SEMA3A: variants seen among roughly 807,000 people sequenced by gnomAD.
SEMA3A encodes the protein semaphorin 3A, also known as semaphorin-3A.
In SEMA3A, 29 loss-of-function variants were observed where a neutral mutation model predicts 97.9. That is an observed-to-expected ratio of 0.30 (90% CI 0.22 to 0.40). The LOEUF (loss-of-function observed/expected upper bound fraction) is 0.40, where lower values mean the gene tolerates loss of function less well. Among genes scored for constraint, SEMA3A ranks in the 10% least tolerant of loss-of-function variants. The pLI, the probability that SEMA3A is intolerant of heterozygous loss-of-function variation, is 1.00. For missense variants in SEMA3A, 763 were observed against 951.3 expected (o/e 0.80, Z 2.60); for synonymous variants, 321 against 323.7 (o/e 0.99, Z 0.09).
At chr7:84,364,266 T>A (rs1365137753) in intron 2 of SEMA3A, among the ~76,000 whole-genome samples, 1 of 151,738 alleles carries the variant, frequency 6.6e-6, no homozygotes, top group African/African-American at 2.4e-5. Context: ...TATACTGACA[T>A]AATCCTTAGT....
intron 12 of SEMA3A, among the ~76,000 whole-genome samples, chr7:83,989,519 C>T (rs1326412745): frequency 2.2e-5 from 3 of 138,308 alleles, no homozygotes; most frequent in Non-Finnish European, 4.6e-5. Context: ...TTCCTGTGTC[C>T]ATGTGATCTC....
intron 3 of SEMA3A, among the ~76,000 whole-genome samples, chr7:84,117,468 G>C (rs1229639884): frequency 1.3e-5 from 2 of 152,254 alleles, no homozygotes; most frequent in African/African-American, 4.8e-5. Flanking sequence ...TACCAGTCAG[G>C]GTCCTGTTAA....
At chr7:84,113,828 C>G (rs1795345535) in intron 3 of SEMA3A, among the ~76,000 whole-genome samples, 5 of 152,062 alleles carry the variant, frequency 3.3e-5, no homozygotes, top group Admixed American at 3.3e-4. Flanking sequence ...CAGTTATAAA[C>G]CAGTAAAATC....
chr7:84,095,346 A>AAATGTTTTTTT (rs1794734172), intron 4 of SEMA3A, among the ~76,000 whole-genome samples: 1 of 114,318 alleles, frequency 8.7e-6, no homozygotes. Context: ...TATATTTTAT[A>AAATGTTTTTTT]TTTTTTATAT....
chr7:84,435,637 A>T (rs1805107904), intron 1 of SEMA3A, among the ~76,000 whole-genome samples: 1 of 152,126 alleles, frequency 6.6e-6, no homozygotes, highest in Admixed American at 6.6e-5. Context: ...AACCTCTACA[A>T]GGAGAACTAC....
At chr7:84,028,754 G>A (rs1312557815) in intron 6 of SEMA3A, among the ~76,000 whole-genome samples, 1 of 152,080 alleles carries the variant, frequency 6.6e-6, no homozygotes, top group Non-Finnish European at 1.5e-5. Flanking sequence ...ACAGGCGTGT[G>A]CCACCACCCC....
intron 3 of SEMA3A, among the ~76,000 whole-genome samples, chr7:84,214,050 A>C (rs1054109552): frequency 4.6e-5 from 7 of 152,240 alleles, no homozygotes; most frequent in Admixed American, 1.3e-4. Context: ...TTGTACCTTA[A>C]GAATAAACAT....
At chr7:84,200,493 A>T (rs1300927357) in intron 3 of SEMA3A, among the ~76,000 whole-genome samples, 1 of 152,108 alleles carries the variant, frequency 6.6e-6, no homozygotes, top group Non-Finnish European at 1.5e-5. Context: ...GTGACAAGAG[A>T]AGGGATGCAT....
intron 12 of SEMA3A, among the ~76,000 whole-genome samples, chr7:83,990,878 G>A (rs1789893546): frequency 6.6e-6 from 1 of 151,422 alleles, no homozygotes. Context: ...AGCTTGATGG[G>A]GATGGCATTG....
chr7:84,453,128 G>A (rs993186650), intron 1 of SEMA3A, among the ~76,000 whole-genome samples: 2 of 151,878 alleles, frequency 1.3e-5, no homozygotes, highest in Non-Finnish European at 2.9e-5. Flanking sequence ...AAAAATAGTC[G>A]TATCCTTATA....
At chr7:84,154,679 G>GAAAAAAAAAACA (rs1796783327) in intron 1 of SEMA3A, among the ~76,000 whole-genome samples, 2 of 112,216 alleles carry the variant, frequency 1.8e-5, no homozygotes, top group African/African-American at 3.4e-5. Flanking sequence ...TAGTCTCAGG[G>GAAAAAAAAAACA]AAAAAAAAAA....
intron 3 of SEMA3A, among the ~76,000 whole-genome samples, chr7:84,257,908 T>G (rs1799754135): frequency 6.6e-6 from 1 of 152,206 alleles, no homozygotes; most frequent in African/African-American, 2.4e-5. Flanking sequence ...GATTAACATT[T>G]TATTTCTATA....
At chr7:84,100,539 C>T (rs1794930428) in intron 4 of SEMA3A, among the ~76,000 whole-genome samples, 1 of 152,012 alleles carries the variant, frequency 6.6e-6, no homozygotes, top group Non-Finnish European at 1.5e-5. Context: ...TATATATTCA[C>T]CGTTCAATCA....
chr7:84,231,353 C>T (rs921267689), intron 3 of SEMA3A, among the ~76,000 whole-genome samples: 2 of 151,904 alleles, frequency 1.3e-5, no homozygotes, highest in Non-Finnish European at 2.9e-5. Context: ...GAGTACATGA[C>T]AGTCTCATAG....
intron 11 of SEMA3A, 47 bp from the exon 12 acceptor site, chr7:84,002,093 C>A: frequency 1.9e-6 from 2 of 1,077,818 alleles, no homozygotes; most frequent in Non-Finnish European, 2.8e-6. Context: ...TAGATCTGAA[C>A]AGAGATTAGT....
chr7:84,325,616 G>A (rs887787285), intron 2 of SEMA3A, among the ~76,000 whole-genome samples: 1 of 151,994 alleles, frequency 6.6e-6, no homozygotes, highest in African/African-American at 2.4e-5. Flanking sequence ...CAAGAGTCTT[G>A]TAGACCATCA....
chr7:84,196,713 T>C (rs1422166254), upstream of SEMA3A, among the ~76,000 whole-genome samples: 1 of 152,214 alleles, frequency 6.6e-6, no homozygotes, highest in Non-Finnish European at 1.5e-5. Flanking sequence ...TTACTCTCTA[T>C]AGACATTCAT....
At chr7:84,415,097 T>C (rs1178867781) in intron 1 of SEMA3A, among the ~76,000 whole-genome samples, 1 of 152,132 alleles carries the variant, frequency 6.6e-6, no homozygotes, top group African/African-American at 2.4e-5. Context: ...GATATTAAGA[T>C]AGTATTGCTG....
chr7:84,099,208 C>T (rs1373599341), intron 4 of SEMA3A, among the ~76,000 whole-genome samples: 1 of 110,862 alleles, frequency 9.0e-6, no homozygotes, highest in Non-Finnish European at 2.2e-5. Context: ...GTAGCTGGGA[C>T]TACAGGCGCC....
Sources: allele counts gnomAD v4.1 joint callset (sites outside exome capture counted in the v4.1 genomes callset), GRCh38; gene constraint gnomAD v4.1.1; transcripts MANE v1.5; gene names NCBI Gene and HGNC (gene_info 2026-07-23, HGNC 2026-07-21).